Variants in SFMBT1 observed in about 807,000 individuals in gnomAD.
The protein encoded by SFMBT1 is Scm like with four mbt domains 1.
Under a neutral mutation model 108.7 loss-of-function variants are expected in SFMBT1, and 32 were observed. That is an observed-to-expected ratio of 0.29 (90% CI 0.22 to 0.40). The LOEUF (loss-of-function observed/expected upper bound fraction) is 0.40. Among genes scored for constraint, SFMBT1 ranks in the 10% least tolerant of loss-of-function variants. The pLI is 1.00. For missense variants in SFMBT1, 816 were observed against 1,059.6 expected, an observed-to-expected ratio of 0.77 and a Z score of 3.19; for synonymous variants, 348 against 369.5, an observed-to-expected ratio of 0.94 and a Z score of 0.67.
chr3:52,984,366 A>G (rs766486165), intron 1 of SFMBT1, among the ~76,000 whole-genome samples: 12 of 151,964 alleles, frequency 7.9e-5, no homozygotes, highest in Non-Finnish European at 7.4e-5. Context: ...CATCATAAAA[A>G]ACTTTTTTAG....
rs572964127 is a variant in SFMBT1 at position 52,906,807 on chromosome 3, C to G, written c.2331+262G>C. 2.0e-5 allele frequency among the ~76,000 whole-genome samples: 3 copies of G among 152,226 alleles called. No individual in the cohort carries two copies. The South Asian group carries it at 6.2e-4, about 32-fold the overall frequency. Reference sequence around the variant, plus strand: ...AAATAAATGACAAGCTACAAATAAGCTAGCAATGGGGCTTTTTTTGTTGTT... The same window carrying G: ...AAATAAATGACAAGCTACAAATAAGGTAGCAATGGGGCTTTTTTTGTTGTT... On this transcript the variant is annotated intron_variant, in intron 19 of 20. Coordinates refer to ENST00000394752, the MANE Select transcript of SFMBT1 (RefSeq NM_016329.4).
At chr3:52,972,291 T>C (rs1213810145) in intron 1 of SFMBT1, among the ~76,000 whole-genome samples, 1 of 152,226 alleles carries the variant, frequency 6.6e-6, no homozygotes, top group East Asian at 1.9e-4. Context: ...AAGCTAAGGC[T>C]GTGACATTTT....
chr3:52,987,213 AT>A (rs561203504), intron 1 of SFMBT1, among the ~76,000 whole-genome samples: 3 of 151,452 alleles, frequency 2.0e-5, no homozygotes, highest in Admixed American at 6.6e-5. Flanking sequence ...CTTACAGTTA[AT>A]TTTTTTTTAA....
intron 2 of SFMBT1, among the ~76,000 whole-genome samples, chr3:52,964,972 T>C (rs539131830): frequency 6.6e-6 from 1 of 152,234 alleles, no homozygotes; most frequent in East Asian, 1.9e-4. Context: ...ATTATTGCAG[T>C]GAACCCACTC....
chr3:52,930,896 A>G (rs748187501), intron 7 of SFMBT1, 45 bp downstream of exon 7: 4 of 1,534,552 alleles, frequency 2.6e-6, no homozygotes, highest in South Asian at 1.1e-5. Context: ...GCTTTACTCT[A>G]CTGTAAGGGG....
At chr3:52,939,344 C>A (rs1025373633) in intron 4 of SFMBT1, among the ~76,000 whole-genome samples, 2 of 152,132 alleles carry the variant, frequency 1.3e-5, no homozygotes, top group Non-Finnish European at 2.9e-5. Context: ...GAAGCTCAGG[C>A]GGGCAGATCA....
In SFMBT1 at chr3:53,014,472, TAA is replaced by T. The variant is rs1183425076; in HGVS notation, c.-131+31342_-131+31343del. Among the ~76,000 whole-genome samples the T allele has an allele frequency of 4.3e-3, 555 of 129,176 alleles. 4 individuals are homozygous for T. The highest frequency in any genetic ancestry group is 0.015 in the African/African-American group (529 of 35,978). 84.7% of individuals were successfully genotyped at this position (129,176 alleles called of 152,430 possible). Reference sequence around the variant, plus strand: ...GTGACAGAGTGAGAGACCCTGTATTTAAAAAAAACAAAACAAAACAAAACAAA... The same window carrying T: ...GTGACAGAGTGAGAGACCCTGTATTTAAAAAACAAAACAAAACAAAACAAA... On this transcript the variant is annotated intron_variant, in intron 1 of 20. Coordinates refer to ENST00000394752, the MANE Select transcript of SFMBT1 (RefSeq NM_016329.4).
At chr3:52,981,670 C>T (rs1032984984) in intron 1 of SFMBT1, among the ~76,000 whole-genome samples, 2 of 151,966 alleles carry the variant, frequency 1.3e-5, no homozygotes, top group Non-Finnish European at 2.9e-5. Flanking sequence ...TGAGCCACTG[C>T]ACCCAACCTG....
chr3:53,026,579 A>T (rs2106950628), intron 1 of SFMBT1, among the ~76,000 whole-genome samples: 1 of 151,310 alleles, frequency 6.6e-6, no homozygotes, highest in Non-Finnish European at 1.5e-5. Flanking sequence ...GCCACAAGTT[A>T]ACAGAGTTTA....
At position 52,943,584 on chromosome 3, in the gene SFMBT1, G is replaced by A. The variant is rs147773729; in HGVS notation, c.133C>T (p.Arg45Cys). ...CCAGGAGCAAATCCATTTTGCAAAC[G>A]TGTGTCCACCTTAACAGGGAAATGT... ...PYGSFKHVDT[R>C]LQNGFAPGMK... is the part of the protein sequence containing the mutation. Residue 45 changes from arginine to cysteine, a missense_variant, in exon 4 of 21, where the codon CGT (arginine) becomes TGT (cysteine). Physicochemically the swap from Arg to Cys is radical, Grantham distance 180. Around this residue, in one of 5 missense-constraint regions of SFMBT1, gnomAD observed 495 missense variants for 607.4 expected, o/e 0.81. Coordinates refer to ENST00000394752, the MANE Select transcript of SFMBT1 (RefSeq NM_016329.4). The A allele has an allele frequency of 2.5e-4, 400 of 1,614,236 alleles. No homozygotes were observed. In the African/African-American group the frequency reaches 4.6e-3, roughly 19 times the overall value.
intron 1 of SFMBT1, among the ~76,000 whole-genome samples, chr3:53,031,000 T>TCA (rs1699665655): frequency 6.6e-6 from 1 of 152,196 alleles, no homozygotes; most frequent in Non-Finnish European, 1.5e-5. Context: ...ATCTTCTCCA[T>TCA]TTCCAAGCAT....
intron 1 of SFMBT1, among the ~76,000 whole-genome samples, chr3:53,011,667 G>A (rs62255860): frequency 0.021 from 3,128 of 152,292 alleles, 46 homozygotes; most frequent in Non-Finnish European, 0.032. Flanking sequence ...AATCAAAGAT[G>A]ACTCCAAATT....
intron 3 of SFMBT1, among the ~76,000 whole-genome samples, chr3:52,953,467 G>C (rs527931608): frequency 2.0e-4 from 31 of 151,722 alleles, no homozygotes; most frequent in South Asian, 6.2e-4. Flanking sequence ...CCTAGGTCTA[G>C]ATATAAATTA....
chr3:52,998,457 G>GTC (rs1233753110), intron 1 of SFMBT1, among the ~76,000 whole-genome samples: 1 of 150,378 alleles, frequency 6.6e-6, no homozygotes, highest in Non-Finnish European at 1.5e-5. Context: ...ATTGGAGAAA[G>GTC]TAAAGGCTGG....
intron 1 of SFMBT1, chr3:53,043,052 A>ACAGATATC (rs1347042683): frequency 6.6e-6 from 1 of 152,272 alleles, no homozygotes; most frequent in African/African-American, 2.4e-5. Context: ...GCCTTAGAAC[A>ACAGATATC]TTCCCAACTT....
intron 1 of SFMBT1, among the ~76,000 whole-genome samples, chr3:53,027,434 C>T (rs573402389): frequency 9.9e-5 from 15 of 152,240 alleles, no homozygotes; most frequent in South Asian, 2.1e-4. Context: ...CCCTAAACCC[C>T]TGGCACCACT....
chr3:53,030,022 A>T (rs998836432), intron 1 of SFMBT1, among the ~76,000 whole-genome samples: 3 of 152,198 alleles, frequency 2.0e-5, no homozygotes, highest in Non-Finnish European at 4.4e-5. Flanking sequence ...TAAATATTAG[A>T]AAACTTTTCT....
chr3:53,042,301 T>C (rs1700082243), intron 1 of SFMBT1, among the ~76,000 whole-genome samples: 1 of 152,200 alleles, frequency 6.6e-6, no homozygotes, highest in Non-Finnish European at 1.5e-5. Context: ...AAAAGTATAC[T>C]ACAGAAGCAG....
chr3:52,954,584 G>A (rs1703718794), intron 2 of SFMBT1, among the ~76,000 whole-genome samples, 173 bp from the exon 3 acceptor site: 1 of 152,098 alleles, frequency 6.6e-6, no homozygotes, highest in Non-Finnish European at 1.5e-5. Flanking sequence ...AATGATAGGT[G>A]CCCTTAGTGC....
Sources: allele counts gnomAD v4.1 joint callset (sites outside exome capture counted in the v4.1 genomes callset), GRCh38; gene constraint gnomAD v4.1.1; regional missense constraint gnomAD v4.1.1; transcripts MANE v1.5; gene names NCBI Gene and HGNC (gene_info 2026-07-23, HGNC 2026-07-21).